The following SLC38A8 variants were observed in gnomAD, a reference collection of about 807,000 sequenced individuals.
SLC38A8 encodes solute carrier family 38 member 8, also known as amino acid transporter SLC38A8.
SLC38A8 carries 65 observed loss-of-function variants against 46.0 expected under a neutral mutation model. The ratio of observed to expected loss-of-function variants is 1.41; its 90% CI spans 1.16 to 1.74. The LOEUF (loss-of-function observed/expected upper bound fraction) is 1.74. SLC38A8 is among the 40% of genes most tolerant of loss of function. The probability of loss-of-function intolerance (pLI) is 0.00; values close to 1 mark genes in which losing one functional copy is unlikely to be tolerated. For missense variants in SLC38A8, 998 were observed against 567.9 expected (o/e 1.76, Z -7.70); for synonymous variants, 447 against 243.7 (o/e 1.83, Z -7.77).
chr16:84,016,343 G>A (rs967160140), intron 9 of SLC38A8, among the ~76,000 whole-genome samples, 176 bp downstream of exon 9: 1 of 152,186 alleles, frequency 6.6e-6, no homozygotes, highest in Non-Finnish European at 1.5e-5. Context: ...GTGAGGGAAG[G>A]TATGTAAAGC....
At chr16:84,016,274 G>T (rs1258631374) in intron 9 of SLC38A8, among the ~76,000 whole-genome samples, 1 of 152,198 alleles carries the variant, frequency 6.6e-6, no homozygotes, top group Non-Finnish European at 1.5e-5. Context: ...ACAGTTCAAG[G>T]TGAGATTTGG....
chr16:84,024,017 T>C (rs917998736), intron 6 of SLC38A8, among the ~76,000 whole-genome samples: 1 of 152,214 alleles, frequency 6.6e-6, no homozygotes, highest in Non-Finnish European at 1.5e-5. Context: ...TGGTGTGGGT[T>C]AACTCTTGGC....
intron 7 of SLC38A8, among the ~76,000 whole-genome samples, chr16:84,018,581 C>T (rs560049689): frequency 6.6e-6 from 1 of 152,180 alleles, no homozygotes; most frequent in South Asian, 2.1e-4. Context: ...AGTCCATTAA[C>T]CCATTAATCC....
At chr16:84,038,826 C>T (rs376893713) in intron 2 of SLC38A8, among the ~76,000 whole-genome samples, 4 of 152,266 alleles carry the variant, frequency 2.6e-5, no homozygotes, top group Non-Finnish European at 4.4e-5. Context: ...TGATCCGTAT[C>T]GGGCGCACAG....
chr16:84,039,528 T>TA (rs937287729), intron 2 of SLC38A8, among the ~76,000 whole-genome samples: 2 of 152,012 alleles, frequency 1.3e-5, no homozygotes, highest in Non-Finnish European at 2.9e-5. Context: ...GTGGATCACC[T>TA]GAGGTCAGGA....
chr16:84,039,685 T>C (rs1407385995), intron 2 of SLC38A8, among the ~76,000 whole-genome samples: 4 of 139,982 alleles, frequency 2.9e-5, no homozygotes, highest in African/African-American at 1.1e-4. Context: ...GAGGCGGAGG[T>C]TGCAGTGAGC....
chr16:84,024,550 G>T (rs1012529168), intron 6 of SLC38A8, among the ~76,000 whole-genome samples: 5 of 152,072 alleles, frequency 3.3e-5, no homozygotes, highest in African/African-American at 4.8e-5. Flanking sequence ...GGAGGCCAAG[G>T]CGTGTGGATC....
intron 5 of SLC38A8, among the ~76,000 whole-genome samples, chr16:84,030,009 C>G: frequency 6.6e-6 from 1 of 152,156 alleles, no homozygotes; most frequent in East Asian, 1.9e-4. Flanking sequence ...TTGGGATCCC[C>G]GCCTGGTTCA....
chr16:84,042,265 C>T (rs1019239263), intron 1 of SLC38A8, 106 bp from the exon 2 acceptor site: 77 of 1,192,046 alleles, frequency 6.5e-5, no homozygotes, highest in Non-Finnish European at 8.1e-5. Context: ...CTCCCTGAGC[C>T]GCTCCTGCCC....
At chr16:84,043,240 T>A (rs1463261507), upstream of SLC38A8, among the ~76,000 whole-genome samples, 1 of 152,198 alleles carries the variant, frequency 6.6e-6, no homozygotes, top group Non-Finnish European at 1.5e-5. Context: ...GCTTGAGTGA[T>A]GACACATCTC....
chr16:84,020,112 G>C (rs1050386366), intron 7 of SLC38A8, among the ~76,000 whole-genome samples: 1 of 151,736 alleles, frequency 6.6e-6, no homozygotes, highest in Non-Finnish European at 1.5e-5. Context: ...CTCTGCAGTT[G>C]GACCCCTACG....
Position 84,036,886 on chromosome 16 carries a change from G to T in SLC38A8, c.204C>A (p.Phe68Leu), listed in dbSNP as rs762452091. The T allele has an allele frequency of 1.9e-6, 3 of 1,611,954 alleles. No homozygotes were observed. The highest frequency in any genetic ancestry group is 1.1e-5 in the South Asian group (1 of 90,946). Reference sequence around the variant, plus strand: ...CCAGGATGACCAGCCCGCTGATCAGGAAGACCAACGAGACCTGCGGAGAAG... The same window carrying T: ...CCAGGATGACCAGCCCGCTGATCAGTAAGACCAACGAGACCTGCGGAGAAG... Reference protein sequence around the residue: ...AFLVELVSLVFLISGLVILGY... With the variant: ...AFLVELVSLVLLISGLVILGY... The change falls in exon 3 of 11, where the codon TTC becomes TTA. Residue 68 changes from phenylalanine (F) to leucine (L), a missense_variant. By Grantham distance (22) the Phe-to-Leu change is conservative (BLOSUM62 0). Coordinates refer to ENST00000299709, the MANE Select transcript of SLC38A8 (RefSeq NM_001080442.3).
intron 3 of SLC38A8, among the ~76,000 whole-genome samples, chr16:84,036,495 A>T (rs779662866): frequency 6.6e-6 from 1 of 152,214 alleles, no homozygotes; most frequent in East Asian, 1.9e-4. Flanking sequence ...TCTCTCATGC[A>T]CTTGTGTGCC....
rs540585735 is a variant in SLC38A8 at position 84,027,337 on chromosome 16, A to T, written c.690+2157T>A. Among the ~76,000 whole-genome samples, 115 of 151,908 alleles carry T rather than the reference A, an allele frequency of 7.6e-4. 1 individual carries two copies. Among genetic ancestry groups the T allele is most frequent in the African/African-American group, 2.5e-3 (105 of 41,332 alleles). ...TGCACTCCAGCCTGGGCGACAGAGC[A>T]AGTCTGCCACAAAAGCAAAATTAAA... On this transcript the variant is annotated intron_variant, in intron 6 of 10. Transcript: ENST00000299709.
In SLC38A8 at chr16:84,033,418, G is replaced by C. The variant is rs56802364; in HGVS notation, c.440C>G (p.Ala147Gly). The C allele has an allele frequency of 5.8e-3, 9,422 of 1,613,014 alleles. 469 individuals carry two copies. The African/African-American group carries it at 0.11, about 19-fold the overall frequency. The change falls in exon 4 of 11, where the codon GCA becomes GGA. Residue 147 changes from alanine (A) to glycine (G), a missense_variant. Coordinates refer to ENST00000299709, the MANE Select transcript of SLC38A8 (RefSeq NM_001080442.3). ...CAGGGGCAGGGTGAAGCGCTGGTCT[G>C]CGTACCACGGCTGCGGGGCGGGCGG... ...GTPPAPQPWYADQRFTLPLLS... is the reference protein window; with the variant it reads ...GTPPAPQPWYGDQRFTLPLLS...
chr16:84,009,977 C>T, intron 10 of SLC38A8, 100 bp from the exon 11 acceptor site: 1 of 883,346 alleles, frequency 1.1e-6, no homozygotes, highest in Non-Finnish European at 1.6e-6. Context: ...AGTATGGAGT[C>T]ATCAATTTGG....
chr16:84,022,875 GGCA>G lies in SLC38A8; in HGVS notation c.702_704del (p.Ala235del). ...TGCGCATGCTGCAGTAGATGGAGAC[GGCA>G]GCTTCGTGACACTGTAAGACAGAGG... On this transcript the variant is annotated inframe_deletion, in exon 7 of 11. Coordinates refer to ENST00000299709, the MANE Select transcript of SLC38A8 (RefSeq NM_001080442.3). 6.2e-7 allele frequency: 1 copy of G among 1,605,180 alleles called. No individual in the cohort carries two copies. Among genetic ancestry groups the G allele is most frequent in the Non-Finnish European group, 8.5e-7 (1 of 1,176,558 alleles).
chr16:84,032,462 C>T (rs910420121), intron 4 of SLC38A8, among the ~76,000 whole-genome samples: 2 of 152,228 alleles, frequency 1.3e-5, no homozygotes, highest in African/African-American at 2.4e-5. Context: ...GCTGGAATTA[C>T]AGGTGTGACG....
chr16:84,015,912 C>A (rs964915765), intron 9 of SLC38A8, among the ~76,000 whole-genome samples: 24 of 152,208 alleles, frequency 1.6e-4, no homozygotes, highest in African/African-American at 5.5e-4. Context: ...CTCCTGACCT[C>A]AGGTGATCCG....
Sources: gnomAD v4.1 joint callset for allele counts (sites outside exome capture counted in the v4.1 genomes callset) on GRCh38, gnomAD v4.1.1 for gene constraint, MANE v1.5 for transcripts, NCBI Gene and HGNC (gene_info 2026-07-23, HGNC 2026-07-21) for gene names.